Variants in WWOX observed in about 807,000 individuals in gnomAD.
The protein encoded by WWOX is WW domain containing oxidoreductase.
In WWOX, 69 loss-of-function variants were observed where a neutral mutation model predicts 46.2. That is an observed-to-expected ratio of 1.49 (90% CI 1.23 to 1.82). The LOEUF (loss-of-function observed/expected upper bound fraction) is 1.82, where lower values mean the gene tolerates loss of function less well. Among genes scored for constraint, WWOX ranks in the 40% most tolerant of loss-of-function variants. The pLI is 0.00. For missense variants in WWOX, 919 were observed against 542.6 expected, an observed-to-expected ratio of 1.69 and a Z score of -6.89; for synonymous variants, 359 against 202.6, an observed-to-expected ratio of 1.77 and a Z score of -6.56.
intron 8 of WWOX, among the ~76,000 whole-genome samples, chr16:79,074,108 T>C (rs1045910728): frequency 6.6e-6 from 1 of 152,160 alleles, no homozygotes; most frequent in African/African-American, 2.4e-5. Context: ...CCTTTTCTTT[T>C]ACCGGCTGAC....
rs184958170 is a variant in WWOX at position 78,619,640 on chromosome 16, C to T, written c.1056+186888C>T. Among the ~76,000 whole-genome samples, 866 of 152,000 alleles carry T rather than the reference C, an allele frequency of 5.7e-3. 9 individuals carry two copies. Among genetic ancestry groups the T allele is most frequent in the African/African-American group, 0.019 (805 of 41,440 alleles). On this transcript the variant is annotated intron_variant, in intron 8 of 8. Transcript: ENST00000566780. Reference sequence around the variant, plus strand: ...ACCATGTGAATTGGGCGTGGTGGCTCATGTCTGTAAAGCCAGCACTTCGGG... The same window carrying T: ...ACCATGTGAATTGGGCGTGGTGGCTTATGTCTGTAAAGCCAGCACTTCGGG...
intron 8 of WWOX, among the ~76,000 whole-genome samples, chr16:78,978,763 T>G (rs1169960755): frequency 4.6e-5 from 7 of 152,164 alleles, no homozygotes; most frequent in Non-Finnish European, 1.0e-4. Flanking sequence ...ACTCTCTCAC[T>G]GGGACAACAC....
intron 8 of WWOX, among the ~76,000 whole-genome samples, chr16:78,796,701 A>G (rs985406954): frequency 6.6e-6 from 1 of 152,202 alleles, no homozygotes; most frequent in African/African-American, 2.4e-5. Flanking sequence ...AAGTATTAGA[A>G]AGGGCCCTGC....
chr16:78,743,971 T>C (rs760384983), intron 8 of WWOX, among the ~76,000 whole-genome samples: 6 of 152,226 alleles, frequency 3.9e-5, no homozygotes, highest in Non-Finnish European at 8.8e-5. Context: ...AGTAAATCTC[T>C]ACTTTTGTTG....
At chr16:78,760,880 C>G (rs146031364) in intron 8 of WWOX, among the ~76,000 whole-genome samples, 2 of 152,284 alleles carry the variant, frequency 1.3e-5, no homozygotes, top group African/African-American at 4.8e-5. Context: ...GCCTCACAAT[C>G]ATAATGGAAG....
At chr16:78,492,377 T>G (rs1391253495) in intron 8 of WWOX, among the ~76,000 whole-genome samples, 1 of 152,216 alleles carries the variant, frequency 6.6e-6, no homozygotes, top group Non-Finnish European at 1.5e-5. Context: ...GGACCACATT[T>G]GTGACTCTAG....
At chr16:78,676,215 A>T (rs949240443) in intron 8 of WWOX, among the ~76,000 whole-genome samples, 2 of 151,636 alleles carry the variant, frequency 1.3e-5, no homozygotes, top group Non-Finnish European at 2.9e-5. Context: ...TAAAGCTACC[A>T]TCAAGCAGAA....
intron 8 of WWOX, among the ~76,000 whole-genome samples, chr16:78,921,361 C>G (rs979489717): frequency 2.0e-5 from 3 of 152,138 alleles, no homozygotes; most frequent in East Asian, 1.9e-4. Context: ...TCAGCACCTG[C>G]TGATGGAAAG....
rs373144603 is a variant in WWOX, at chr16:78,115,041, C to G, written c.296C>G (p.Thr99Ser). The G allele has an allele frequency of 1.9e-6, 3 of 1,614,078 alleles. No homozygotes were observed. The highest frequency in any genetic ancestry group is 2.7e-5 in the African/African-American group (2 of 74,926). ...GCGTTTACTGTGGATGATAATCCGACCAAGCCAACCACCCGGCAAAGATAC... is the reference window on the plus strand; with the variant it reads ...GCGTTTACTGTGGATGATAATCCGAGCAAGCCAACCACCCGGCAAAGATAC... ...RLAFTVDDNP[T>S]KPTTRQRYDG... Residue 99 changes from threonine to serine, a missense_variant, in exon 4 of 9, where the codon ACC becomes AGC. Thr to Ser is a moderately conservative substitution (Grantham distance 58, BLOSUM62 1). Transcript: ENST00000566780.
At chr16:79,002,533 T>G (rs895474600) in intron 8 of WWOX, among the ~76,000 whole-genome samples, 3 of 152,200 alleles carry the variant, frequency 2.0e-5, no homozygotes, top group Admixed American at 2.0e-4. Flanking sequence ...CCTGCCTTTT[T>G]ATTTTGCTAA....
chr16:79,067,185 G>C (rs925087235), intron 8 of WWOX, among the ~76,000 whole-genome samples: 1 of 152,104 alleles, frequency 6.6e-6, no homozygotes, highest in South Asian at 2.1e-4. Flanking sequence ...CTTTGCTCTG[G>C]GTGAGATCTG....
intron 5 of WWOX, among the ~76,000 whole-genome samples, chr16:78,314,611 A>G (rs551261721): frequency 4.7e-5 from 6 of 127,104 alleles, no homozygotes; most frequent in African/African-American, 1.5e-4. Flanking sequence ...TGCAACCTCT[A>G]CCTCCTGGGT....
chr16:78,454,416 A>C (rs1301060403), intron 8 of WWOX, among the ~76,000 whole-genome samples: 1 of 152,044 alleles, frequency 6.6e-6, no homozygotes, highest in African/African-American at 2.4e-5. Flanking sequence ...TCTGAAATAA[A>C]AGTTTTACAA....
chr16:78,208,057 C>G (rs1019977535), intron 5 of WWOX, among the ~76,000 whole-genome samples: 2 of 152,202 alleles, frequency 1.3e-5, no homozygotes, highest in African/African-American at 2.4e-5. Flanking sequence ...AGGTCATCCG[C>G]CCGCCTTGGC....
chr16:79,014,420 T>G (rs1247666499), intron 8 of WWOX, among the ~76,000 whole-genome samples: 4 of 152,184 alleles, frequency 2.6e-5, no homozygotes, highest in Non-Finnish European at 5.9e-5. Context: ...TCTCAAGCTG[T>G]CTATGTTTTC....
chr16:78,419,625 C>CGAAAAAAAAAAAAAAAAAAA (rs1491558183), intron 6 of WWOX, among the ~76,000 whole-genome samples: 1 of 44,692 alleles, frequency 2.2e-5, no homozygotes. Context: ...CAAAAAATAG[C>CGAAAAAAAAAAAAAAAAAAA]AAAAAAAAAA....
At chr16:79,137,209 G>A (rs757865568) in intron 8 of WWOX, among the ~76,000 whole-genome samples, 6 of 152,176 alleles carry the variant, frequency 3.9e-5, no homozygotes, top group Non-Finnish European at 5.9e-5. Context: ...TATTATGCAT[G>A]CCATACCCAT....
chr16:78,656,716 C>T (rs2047089238), intron 8 of WWOX, among the ~76,000 whole-genome samples: 1 of 152,160 alleles, frequency 6.6e-6, no homozygotes, highest in Non-Finnish European at 1.5e-5. Context: ...ACCATATCGG[C>T]ACCCACTGAG....
intron 5 of WWOX, among the ~76,000 whole-genome samples, chr16:78,217,594 A>G (rs995905884): frequency 1.6e-4 from 25 of 152,286 alleles, no homozygotes; most frequent in Middle Eastern, 3.4e-3. Flanking sequence ...CGACCTTAAT[A>G]GAGACCGAGA....
Sources: gnomAD v4.1 joint callset for allele counts (sites outside exome capture counted in the v4.1 genomes callset) on GRCh38, gnomAD v4.1.1 for gene constraint, MANE v1.5 for transcripts, NCBI Gene and HGNC (gene_info 2026-07-23, HGNC 2026-07-21) for gene names.